The following RYR2 variants were observed in gnomAD, a reference collection of about 807,000 sequenced individuals.
RYR2 encodes cardiac muscle ryanodine receptor-calcium release channel.
In RYR2, 227 loss-of-function variants were observed where a neutral mutation model predicts 601.1. That is an observed-to-expected ratio of 0.38 (90% CI 0.34 to 0.42). The LOEUF is 0.42. Among genes scored for constraint, RYR2 ranks in the 10% least tolerant of loss-of-function variants. RYR2 has a pLI of 1.00. For missense variants in RYR2, 4,646 were observed against 6,156.5 expected, an observed-to-expected ratio of 0.75 and a Z score of 8.21; for synonymous variants, 2,223 against 2,175.1, an observed-to-expected ratio of 1.02 and a Z score of -0.61.
intron 1 of RYR2, among the ~76,000 whole-genome samples, chr1:237,233,055 T>G (rs1007221304): frequency 6.6e-6 from 1 of 152,178 alleles, no homozygotes; most frequent in Non-Finnish European, 1.5e-5. Context: ...AATGATATTT[T>G]TATCAGCTTT....
chr1:237,699,633 A>G (rs1353158164), intron 64 of RYR2, among the ~76,000 whole-genome samples: 1 of 152,206 alleles, frequency 6.6e-6, no homozygotes, highest in Non-Finnish European at 1.5e-5. Context: ...ATATTCCACA[A>G]TACTCTTTGA....
intron 1 of RYR2, among the ~76,000 whole-genome samples, chr1:237,048,839 G>C (rs1324432854): frequency 2.2e-4 from 34 of 152,142 alleles, no homozygotes; most frequent in Non-Finnish European, 1.5e-5. Context: ...GTGGCAAGGA[G>C]AAGATCGGGA....
chr1:237,304,553 T>C (rs1693685617), intron 2 of RYR2, among the ~76,000 whole-genome samples: 1 of 152,188 alleles, frequency 6.6e-6, no homozygotes, highest in South Asian at 2.1e-4. Context: ...CTTATTGATG[T>C]TGTTATGCGT....
intron 24 of RYR2, among the ~76,000 whole-genome samples, chr1:237,515,788 TTCC>T (rs1272238000): frequency 9.3e-6 from 1 of 107,696 alleles, no homozygotes; most frequent in African/African-American, 3.5e-5. Flanking sequence ...CTTCCCCTAC[TTCC>T]TCTTCTCCTC....
rs112777159 is a variant in RYR2, at chr1:237,461,225, A to G, written c.1612+4490A>G. On this transcript the variant is annotated intron_variant, in intron 16 of 104. Coordinates refer to ENST00000366574, the MANE Select transcript of RYR2 (RefSeq NM_001035.3). Reference sequence around the variant, plus strand: ...CCCATTTTTGAACACAGTATCGCACATCTGCATCTTTACCATCTGGTATAC... The same window carrying G: ...CCCATTTTTGAACACAGTATCGCACGTCTGCATCTTTACCATCTGGTATAC... Among the ~76,000 whole-genome samples the G allele has an allele frequency of 3.3e-3, 506 of 152,342 alleles. 3 individuals carry two copies. Among genetic ancestry groups the G allele is most frequent in the African/African-American group, 0.012 (482 of 41,590 alleles).
At chr1:237,702,905 A>G (rs950658781) in intron 66 of RYR2, among the ~76,000 whole-genome samples, 15 of 152,028 alleles carry the variant, frequency 9.9e-5, no homozygotes, top group Non-Finnish European at 2.1e-4. Context: ...GAAAAACATA[A>G]TTGGGTTTAC....
intron 29 of RYR2, among the ~76,000 whole-genome samples, chr1:237,580,552 G>C (rs1232430061): frequency 6.6e-6 from 1 of 152,032 alleles, no homozygotes; most frequent in Admixed American, 6.6e-5. Context: ...TTCTAATGAG[G>C]GATGATTTCC....
At chr1:237,599,373 C>A (rs1004947949) in intron 34 of RYR2, among the ~76,000 whole-genome samples, 1 of 152,084 alleles carries the variant, frequency 6.6e-6, no homozygotes, top group African/African-American at 2.4e-5. Context: ...TATAAAAATA[C>A]CTTTAAAAGT....
chr1:237,491,781 T>A, intron 17 of RYR2, 25 bp from the exon 18 acceptor site: 1 of 1,102,642 alleles, frequency 9.1e-7, no homozygotes, highest in Non-Finnish European at 1.3e-6. Context: ...GTGTTTTTTT[T>A]CCTCTTTCTT....
chr1:237,314,292 C>G (rs1236368551), intron 2 of RYR2, among the ~76,000 whole-genome samples: 1 of 151,938 alleles, frequency 6.6e-6, no homozygotes, highest in Non-Finnish European at 1.5e-5. Context: ...TCTCAATCTC[C>G]TGACCTCATG....
chr1:237,217,790 C>T (rs1158942327), intron 1 of RYR2, among the ~76,000 whole-genome samples: 2 of 152,164 alleles, frequency 1.3e-5, no homozygotes, highest in Admixed American at 6.5e-5. Context: ...CTGTGGGATG[C>T]ACCCTGAGTA....
intron 1 of RYR2, among the ~76,000 whole-genome samples, chr1:237,178,910 A>G (rs552223155): frequency 6.6e-6 from 1 of 152,338 alleles, no homozygotes; most frequent in Admixed American, 6.5e-5. Context: ...AGATAGATAT[A>G]TAATATTATT....
chr1:237,562,294 A>G (rs183419902), intron 27 of RYR2, among the ~76,000 whole-genome samples: 12 of 152,364 alleles, frequency 7.9e-5, no homozygotes, highest in African/African-American at 2.9e-4. Flanking sequence ...GATTAATACC[A>G]ATAATTTTAA....
intron 1 of RYR2, among the ~76,000 whole-genome samples, chr1:237,047,252 G>C (rs1420098084): frequency 1.3e-5 from 2 of 152,164 alleles, no homozygotes; most frequent in African/African-American, 4.8e-5. Flanking sequence ...CCTTCATAGA[G>C]TTCTGTCTCC....
chr1:237,623,722 T>C (rs905836487), intron 38 of RYR2, 43 bp from the exon 39 acceptor site: 2 of 1,346,644 alleles, frequency 1.5e-6, no homozygotes, highest in Admixed American at 1.7e-5. Context: ...TCACCTTTCT[T>C]TTCTTCCTCC....
intron 3 of RYR2, among the ~76,000 whole-genome samples, chr1:237,347,384 A>G (rs1698397401): frequency 6.6e-6 from 1 of 152,144 alleles, no homozygotes; most frequent in African/African-American, 2.4e-5. Context: ...ATAGGTTCTC[A>G]ATATATATTA....
chr1:237,528,674 G>T (rs555773749), intron 24 of RYR2, among the ~76,000 whole-genome samples: 196 of 152,220 alleles, frequency 1.3e-3, no homozygotes, highest in Non-Finnish European at 2.2e-3. Flanking sequence ...TCTCTCAGAA[G>T]CCCTTAAGGA....
intron 3 of RYR2, among the ~76,000 whole-genome samples, chr1:237,341,029 G>A (rs908281674): frequency 5.3e-5 from 8 of 152,092 alleles, no homozygotes; most frequent in African/African-American, 9.7e-5. Flanking sequence ...TTTGAATGAC[G>A]TGGTTTCCAG....
At chr1:237,239,887 G>A (rs552978935) in intron 1 of RYR2, among the ~76,000 whole-genome samples, 9 of 152,248 alleles carry the variant, frequency 5.9e-5, no homozygotes, top group Non-Finnish European at 7.4e-5. Context: ...ACTCTATCAC[G>A]TTGCAAGGAC....
Sources: allele counts gnomAD v4.1 joint callset (sites outside exome capture counted in the v4.1 genomes callset), GRCh38; gene constraint gnomAD v4.1.1; transcripts MANE v1.5; gene names NCBI Gene and HGNC (gene_info 2026-07-23, HGNC 2026-07-21).